Variants in SESN2 observed in about 807,000 individuals in gnomAD.
SESN2 encodes the protein sestrin 2, also known as sestrin-2.
Under a neutral mutation model 56.0 loss-of-function variants are expected in SESN2, and 42 were observed. The ratio of observed to expected loss-of-function variants is 0.75; its 90% CI spans 0.59 to 0.97. The LOEUF is 0.97. SESN2 is among the 50% of genes least tolerant of loss of function. The pLI, the probability that SESN2 is intolerant of heterozygous loss-of-function variation, is 0.00. For synonymous variants in SESN2, 264 were observed against 267.1 expected (o/e 0.99, Z 0.11); for missense variants, 507 against 649.4 (o/e 0.78, Z 2.38).
intron 8 of SESN2, among the ~76,000 whole-genome samples, chr1:28,278,313 A>G (rs1207050305): frequency 6.6e-6 from 1 of 150,964 alleles, no homozygotes; most frequent in East Asian, 2.0e-4. Flanking sequence ...TCACGCCTGT[A>G]ATCCCAGCAC....
At chr1:28,265,665 G>A (rs906506431) in intron 1 of SESN2, among the ~76,000 whole-genome samples, 1 of 152,190 alleles carries the variant, frequency 6.6e-6, no homozygotes, top group African/African-American at 2.4e-5. Context: ...AAAGTGCTGG[G>A]ATTTCAGGCG....
chr1:28,274,296 C>T, intron 7 of SESN2, 138 bp downstream of exon 7: 1 of 659,158 alleles, frequency 1.5e-6, no homozygotes, highest in Non-Finnish European at 2.7e-6. Flanking sequence ...CTTTGGGAAG[C>T]CAAGGTGGGA....
intron 1 of SESN2, among the ~76,000 whole-genome samples, chr1:28,266,878 ATTGTTGTTG>A (rs573511235): frequency 6.6e-6 from 1 of 151,974 alleles, no homozygotes; most frequent in East Asian, 1.9e-4. Flanking sequence ...TGCATTGTAT[ATTGTTGTTG>A]TTGTTGTTAT....
chr1:28,260,450 G>A (rs1181019411), intron 1 of SESN2, among the ~76,000 whole-genome samples: 2 of 152,104 alleles, frequency 1.3e-5, no homozygotes, highest in Non-Finnish European at 2.9e-5. Context: ...CCTGGGACTG[G>A]CCAGTGAAAG....
intron 1 of SESN2, among the ~76,000 whole-genome samples, chr1:28,267,841 T>A (rs1647611660): frequency 6.6e-6 from 1 of 152,216 alleles, no homozygotes; most frequent in South Asian, 2.1e-4. Flanking sequence ...TTCTGCTTTC[T>A]CTGTCTTCAT....
chr1:28,279,109 T>C lies in SESN2; in HGVS notation c.1224T>C (p.Tyr408=), dbSNP rs138925675. The C allele has an allele frequency of 4.8e-5, 77 of 1,614,020 alleles. No individual in the cohort carries two copies. Among genetic ancestry groups the C allele is most frequent in the Non-Finnish European group, 6.2e-5 (73 of 1,180,034 alleles). The stretch of plus-strand genomic sequence containing the variant: ...CCTTTCCATCCAGATATGATGACTA[T>C]GATTATGGGGAGGTGAACCAGCTCC... ...HCVFGIRYDD[Y]DYGEVNQLLE... is the part of the protein sequence containing the mutation. Residue 408 remains tyrosine, a synonymous_variant, in exon 9 of 10, where the codon TAT becomes TAC. Coordinates refer to ENST00000253063, the MANE Select transcript of SESN2 (RefSeq NM_031459.5).
intron 2 of SESN2, among the ~76,000 whole-genome samples, chr1:28,271,428 T>C (rs574796277): frequency 3.3e-5 from 5 of 152,356 alleles, no homozygotes; most frequent in African/African-American, 9.6e-5. Flanking sequence ...AGTTAAAATA[T>C]GCATTCTTGA....
intron 1 of SESN2, among the ~76,000 whole-genome samples, chr1:28,263,691 C>T (rs1647460383): frequency 6.6e-6 from 1 of 152,024 alleles, no homozygotes; most frequent in African/African-American, 2.4e-5. Context: ...GGGTTCAACT[C>T]TCCAAGGCTG....
At chr1:28,260,161 T>TCCCTCTCC (rs1368109417) in intron 1 of SESN2, among the ~76,000 whole-genome samples, 3 of 71,950 alleles carry the variant, frequency 4.2e-5, no homozygotes, top group Non-Finnish European at 5.6e-5. Flanking sequence ...CCCTCCTCCC[T>TCCCTCTCC]CCCTCTCCCC....
At chr1:28,272,220 T>C in intron 3 of SESN2, 64 bp from the exon 4 acceptor site, 1 of 1,554,768 alleles carries the variant, frequency 6.4e-7, no homozygotes, top group Non-Finnish European at 8.8e-7. Context: ...CCTGATGGGG[T>C]ACCCACCCTG....
intron 8 of SESN2, among the ~76,000 whole-genome samples, chr1:28,276,831 A>G (rs1230813297): frequency 2.0e-5 from 3 of 148,994 alleles, no homozygotes; most frequent in African/African-American, 4.9e-5. Flanking sequence ...TGCCCGCCTC[A>G]GCCTCCCAAA....
chr1:28,265,635 T>C (rs1288390279), intron 1 of SESN2, among the ~76,000 whole-genome samples: 1 of 152,190 alleles, frequency 6.6e-6, no homozygotes, highest in Non-Finnish European at 1.5e-5. Context: ...CCTCTGGTGA[T>C]CCGCCTGCCT....
chr1:28,271,323 G>C (rs1241513485), intron 2 of SESN2, among the ~76,000 whole-genome samples: 4 of 152,208 alleles, frequency 2.6e-5, no homozygotes. Flanking sequence ...CATGAAGGGA[G>C]GAGAAACTGT....
chr1:28,275,296 TACACACACAC>T (rs71586836), intron 8 of SESN2, among the ~76,000 whole-genome samples: 10 of 149,560 alleles, frequency 6.7e-5, no homozygotes, highest in East Asian at 1.9e-4. Context: ...TATACATGCA[TACACACACAC>T]ACACACACAC....
chr1:28,263,801 T>C (rs1024406314), intron 1 of SESN2, among the ~76,000 whole-genome samples: 4 of 152,108 alleles, frequency 2.6e-5, no homozygotes, highest in Non-Finnish European at 4.4e-5. Context: ...AGCTGGTGCC[T>C]AACCTTTGAA....
chr1:28,271,881 T>C lies in SESN2; in HGVS notation c.354+10T>C. ...CTACATTGCCATCATGGTGAGCCTC[T>C]CTGGGCCTGACACTTGGAGAGGTGG... On this transcript the variant is annotated intron_variant, in intron 3 of 9. Coordinates refer to ENST00000253063, the MANE Select transcript of SESN2 (RefSeq NM_031459.5). The C allele has an allele frequency of 1.9e-6, 3 of 1,613,884 alleles. No homozygotes were observed. Among genetic ancestry groups the C allele is most frequent in the Non-Finnish European group, 8.5e-7 (1 of 1,179,836 alleles).
At position 28,262,621 on chromosome 1, in the gene SESN2, C is replaced by CAAAAAAAAA. The variant is rs71027268; in HGVS notation, c.90+2698_90+2706dup. ...TGGGTGACAGAGCAAGAGTCTGTCT[C>CAAAAAAAAA]AAAAAAAAAAAAAAAAAAAAAACCA... On this transcript the variant is annotated intron_variant, in intron 1 of 9. Transcript: ENST00000253063. Among the ~76,000 whole-genome samples, 72 of 52,476 alleles carry CAAAAAAAAA rather than the reference C, an allele frequency of 1.4e-3. 5 individuals carry two copies. The highest frequency in any genetic ancestry group is 4.4e-3 in the African/African-American group (47 of 10,648). 34.4% of individuals were successfully genotyped at this position (52,476 alleles called of 152,430 possible). A position where few individuals can be genotyped will look rare whatever the true frequency, so the allele number is the denominator to read the frequency against.
chr1:28,280,702 C>T lies in SESN2; in HGVS notation c.1357-14C>T, dbSNP rs760327003. On this transcript the variant is annotated splice_polypyrimidine_tract_variant and intron_variant, in intron 9 of 9. Transcript: ENST00000253063. ...GTGACATCAGTTGCCAACATGCCTT[C>T]CTCTGTGCCCCAGGTCCACGTGAAC... The T allele has an allele frequency of 3.9e-5, 62 of 1,609,978 alleles. No individual in the cohort carries two copies. Among genetic ancestry groups the T allele is most frequent in the African/African-American group, 5.3e-5 (4 of 74,852 alleles).
chr1:28,260,013 A>C (rs1647312813), intron 1 of SESN2, 76 bp downstream of exon 1: 1 of 1,160,794 alleles, frequency 8.6e-7, no homozygotes, highest in Admixed American at 2.7e-5. Context: ...TCCGGAGCTG[A>C]GTCGGTGTGT....
Sources: allele counts gnomAD v4.1 joint callset (sites outside exome capture counted in the v4.1 genomes callset), GRCh38; gene constraint gnomAD v4.1.1; transcripts MANE v1.5; gene names NCBI Gene and HGNC (gene_info 2026-07-23, HGNC 2026-07-21).